FHAD1: variants seen among roughly 807,000 people sequenced by gnomAD.
FHAD1 encodes the protein forkhead-associated domain-containing protein 1.
In FHAD1, 146 loss-of-function variants were observed where a neutral mutation model predicts 191.3. That is an observed-to-expected ratio of 0.76 (90% CI 0.67 to 0.88). The LOEUF is 0.88. Among genes scored for constraint, FHAD1 ranks in the 40% least tolerant of loss-of-function variants. The pLI, the probability that FHAD1 is intolerant of heterozygous loss-of-function variation, is 0.00. For missense variants in FHAD1, 1,635 were observed against 1,785.8 expected, an observed-to-expected ratio of 0.92 and a Z score of 1.52; for synonymous variants, 616 against 672.3, an observed-to-expected ratio of 0.92 and a Z score of 1.29.
intron 24 of FHAD1, among the ~76,000 whole-genome samples, chr1:15,366,640 C>T (rs1360535322): frequency 6.6e-6 from 1 of 152,190 alleles, no homozygotes; most frequent in Non-Finnish European, 1.5e-5. Context: ...GGCAAGGGGG[C>T]CTCTCCAGGC....
Position 15,265,171 on chromosome 1 carries a change from G to T in FHAD1, c.94-7152G>T, listed in dbSNP as rs571362083. Among the ~76,000 whole-genome samples, 48 of 152,252 alleles carry T rather than the reference G, an allele frequency of 3.2e-4. No individual in the cohort carries two copies. In the South Asian group the frequency reaches 9.5e-3, roughly 30 times the overall value. ...TGGTTTTACTGACAGGGTAATGCTG[G>T]TCTCTTACTTCGCCTTTTGAGTCTC... On this transcript the variant is annotated intron_variant, in intron 2 of 33. Transcript: ENST00000688493.
intron 23 of FHAD1, chr1:15,363,613 A>G (rs1185139669): frequency 2.7e-6 from 1 of 363,912 alleles, no homozygotes; most frequent in South Asian, 2.1e-5. Context: ...AGGTGTTATT[A>G]AGCAGACAGA....
chr1:15,277,040 T>C (rs1374683859), intron 3 of FHAD1, among the ~76,000 whole-genome samples: 1 of 152,222 alleles, frequency 6.6e-6, no homozygotes, highest in South Asian at 2.1e-4. Flanking sequence ...GTTTGCTTGT[T>C]GGTTTCTTTA....
At chr1:15,363,403 T>C (rs1364592420) in intron 23 of FHAD1, among the ~76,000 whole-genome samples, 1 of 152,206 alleles carries the variant, frequency 6.6e-6, no homozygotes, top group African/African-American at 2.4e-5. Context: ...ACTTGAGATT[T>C]GGAGGGGATG....
chr1:15,286,118 T>C (rs1283351921), intron 3 of FHAD1, among the ~76,000 whole-genome samples: 1 of 152,216 alleles, frequency 6.6e-6, no homozygotes, highest in Non-Finnish European at 1.5e-5. Context: ...TAGAGATCTG[T>C]TTCACAGCCA....
At chr1:15,355,396 G>A (rs921301981) in intron 20 of FHAD1, among the ~76,000 whole-genome samples, 8 of 152,180 alleles carry the variant, frequency 5.3e-5, no homozygotes, top group Admixed American at 2.0e-4. Flanking sequence ...ACACTCGGAA[G>A]AGCAATCAAA....
intron 23 of FHAD1, 31 bp downstream of exon 23, chr1:15,362,757 C>T: frequency 6.6e-7 from 1 of 1,520,820 alleles, no homozygotes; most frequent in Non-Finnish European, 8.9e-7. Flanking sequence ...GAGCGCCAGG[C>T]ATTCTCACCG....
chr1:15,305,855 C>T (rs774727619), intron 6 of FHAD1: 15 of 390,752 alleles, frequency 3.8e-5, no homozygotes, highest in Non-Finnish European at 5.6e-5. Context: ...TTCCCAGTAT[C>T]GGGTATGGCT....
At chr1:15,250,430 G>T (rs755165399) in intron 1 of FHAD1, among the ~76,000 whole-genome samples, 1 of 152,198 alleles carries the variant, frequency 6.6e-6, no homozygotes, top group Non-Finnish European at 1.5e-5. Flanking sequence ...GCAAAATGCC[G>T]ATGGTAGAAT....
intron 3 of FHAD1, among the ~76,000 whole-genome samples, chr1:15,288,743 C>T (rs577288792): frequency 4.6e-5 from 7 of 152,348 alleles, no homozygotes; most frequent in African/African-American, 1.7e-4. Context: ...ATCAATACCA[C>T]GTCTGTGGGT....
chr1:15,400,597 C>T (rs192731347), downstream of FHAD1, among the ~76,000 whole-genome samples: 2 of 152,318 alleles, frequency 1.3e-5, no homozygotes, highest in Non-Finnish European at 2.9e-5. Flanking sequence ...GGCAGGTGCT[C>T]TTCTAGAGGT....
At chr1:15,376,070 TTTA>T (rs1251357054) in intron 28 of FHAD1, among the ~76,000 whole-genome samples, 3 of 139,436 alleles carry the variant, frequency 2.2e-5, no homozygotes, top group African/African-American at 8.4e-5. Context: ...TATTTATTTA[TTTA>T]TTTATTTTTT....
intron 8 of FHAD1, among the ~76,000 whole-genome samples, chr1:15,315,459 C>T (rs189673963): frequency 6.6e-6 from 1 of 151,266 alleles, no homozygotes; most frequent in African/African-American, 2.4e-5. Flanking sequence ...ATCAAACAGC[C>T]CCGGGTTATC....
Position 15,311,022 on chromosome 1 carries a change from T to C in FHAD1, c.1040-2035T>C, listed in dbSNP as rs746779035. On this transcript the variant is annotated intron_variant, in intron 7 of 33. Transcript: ENST00000688493. The surrounding 1 kb of genome is among the most constrained non-coding windows in gnomAD (Gnocchi z 4.1). ...AAAATGTCTGAAATAATGGTTTCCATCTATTGGCCCCAAGAAGCATGTGAC... is the reference window on the plus strand; with the variant it reads ...AAAATGTCTGAAATAATGGTTTCCACCTATTGGCCCCAAGAAGCATGTGAC... 3.0e-4 allele frequency among the ~76,000 whole-genome samples: 45 copies of C among 152,194 alleles called. No homozygotes were observed. The highest frequency in any genetic ancestry group is 3.4e-3 in the Middle Eastern group (1 of 292).
rs1674495128 is a variant in FHAD1, at chr1:15,316,455, ACT to A, written c.1251_1252del (p.Cys418GlnfsTer15). 1 of 1,551,220 alleles carries A rather than the reference ACT, an allele frequency of 6.4e-7. No individual in the cohort carries two copies. Among genetic ancestry groups the A allele is most frequent in the Non-Finnish European group, 8.7e-7 (1 of 1,146,888 alleles). On this transcript the variant is annotated frameshift_variant, in exon 9 of 34. Transcript: ENST00000688493. LOFTEE classifies it high-confidence loss of function. This position sits in a 1 kb window ranked among gnomAD's most constrained non-coding sequence, Gnocchi z 4.3. ...LREAQEKELK[L>X]CKTQIQDMEK... is the part of the protein sequence containing the mutation. ...GGGAAGCCCAGGAGAAAGAGTTAAA[ACT>A]CTGCAAAACCGTGAGTTGAGCTTCC...
intron 4 of FHAD1, among the ~76,000 whole-genome samples, chr1:15,290,251 T>C (rs1284961953): frequency 6.6e-6 from 1 of 152,128 alleles, no homozygotes; most frequent in Admixed American, 6.6e-5. Context: ...GTGTCCTTCC[T>C]TCCCCACTAC....
At chr1:15,267,687 C>T (rs781455545) in intron 2 of FHAD1, among the ~76,000 whole-genome samples, 8 of 151,334 alleles carry the variant, frequency 5.3e-5, no homozygotes, top group Non-Finnish European at 1.0e-4. Flanking sequence ...TAAATTGTGT[C>T]TTTCAAGAAA....
At chr1:15,376,451 G>A (rs531500048) in intron 28 of FHAD1, among the ~76,000 whole-genome samples, 1 of 152,294 alleles carries the variant, frequency 6.6e-6, no homozygotes, top group African/African-American at 2.4e-5. Flanking sequence ...TATGCCATGA[G>A]TTTGCCTAAA....
chr1:15,284,020 GTC>G (rs1661486831), intron 3 of FHAD1, among the ~76,000 whole-genome samples: 1 of 152,194 alleles, frequency 6.6e-6, no homozygotes, highest in Non-Finnish European at 1.5e-5. Context: ...CCTGGGGCAA[GTC>G]TCTGAACCTC....
Sources: allele counts gnomAD v4.1 joint callset (sites outside exome capture counted in the v4.1 genomes callset), GRCh38; gene constraint gnomAD v4.1.1; non-coding constraint Gnocchi (gnomAD v3.1); transcripts MANE v1.5; gene names NCBI Gene and HGNC (gene_info 2026-07-23, HGNC 2026-07-21).